Variants in FRMD3 observed in about 807,000 individuals in gnomAD.
The protein encoded by FRMD3 is FERM domain-containing protein 3.
Under a neutral mutation model 70.2 loss-of-function variants are expected in FRMD3, and 33 were observed. The observed-to-expected ratio is 0.47, with a 90% CI of 0.36 to 0.63. The LOEUF is 0.63. FRMD3 is among the 20% of genes least tolerant of loss of function. The pLI is 0.00. For missense variants in FRMD3, 632 were observed against 711.4 expected (o/e 0.89, Z 1.27); for synonymous variants, 279 against 255.9 (o/e 1.09, Z -0.86).
the FRMD3 span, among the ~76,000 whole-genome samples, chr9:83,551,910 C>CA: frequency 0.19 from 27,893 of 143,382 alleles, 2,789 homozygotes; most frequent in East Asian, 0.39. Flanking sequence ...TGATTTTTTT[C>CA]AAAAAAAAAA....
intron 3 of FRMD3, among the ~76,000 whole-genome samples, chr9:83,363,120 T>C (rs1297888118): frequency 3.3e-5 from 5 of 152,162 alleles, no homozygotes; most frequent in Admixed American, 6.6e-5. Context: ...TGGTAAAAGA[T>C]ATGAGTGTAA....
intron 10 of FRMD3, among the ~76,000 whole-genome samples, chr9:83,304,054 T>C (rs1217829251): frequency 2.0e-5 from 3 of 152,254 alleles, no homozygotes; most frequent in Admixed American, 2.0e-4. Flanking sequence ...TCATCCAAGT[T>C]GTAGTATCAG....
upstream of FRMD3, chr9:83,538,534 C>G (rs536319251): frequency 3.9e-6 from 1 of 253,842 alleles, no homozygotes; most frequent in Non-Finnish European, 7.5e-6. This position sits in a 1 kb window ranked among gnomAD's most constrained non-coding sequence, Gnocchi z 4.7. Flanking sequence ...CTGAGACCCC[C>G]GGCGGGCTCG....
chr9:83,495,938 T>C (rs1006298051), intron 1 of FRMD3, among the ~76,000 whole-genome samples: 4 of 152,210 alleles, frequency 2.6e-5, no homozygotes, highest in Non-Finnish European at 5.9e-5. Context: ...AAACTACCAA[T>C]GGCTGAAAAT....
At chr9:83,453,756 C>T (rs1471570930) in intron 1 of FRMD3, among the ~76,000 whole-genome samples, 3 of 136,418 alleles carry the variant, frequency 2.2e-5, no homozygotes, top group Non-Finnish European at 3.0e-5. Flanking sequence ...CACTTTGTCA[C>T]ACAGGCTAGA....
chr9:83,438,647 G>A (rs1293206578), intron 1 of FRMD3, among the ~76,000 whole-genome samples: 4 of 152,108 alleles, frequency 2.6e-5, no homozygotes, highest in East Asian at 1.9e-4. Flanking sequence ...TGATCCACCC[G>A]CCTCTGCCTC....
chr9:83,584,099 G>C, the FRMD3 span, among the ~76,000 whole-genome samples: 1 of 152,122 alleles, frequency 6.6e-6, no homozygotes, highest in South Asian at 2.1e-4. Context: ...ATTTTGGAAG[G>C]CCAAGGCGGG....
chr9:83,437,336 C>A (rs935725790), intron 1 of FRMD3, among the ~76,000 whole-genome samples: 1 of 152,156 alleles, frequency 6.6e-6, no homozygotes, highest in Admixed American at 6.5e-5. Context: ...TTTATCTCAG[C>A]ATTGTTTAGT....
At chr9:83,403,622 C>A (rs1171212149) in intron 1 of FRMD3, among the ~76,000 whole-genome samples, 1 of 152,066 alleles carries the variant, frequency 6.6e-6, no homozygotes, top group Non-Finnish European at 1.5e-5. Flanking sequence ...CACAGCCACA[C>A]CACAGGAAAT....
At chr9:83,451,767 C>T (rs72746808) in intron 1 of FRMD3, among the ~76,000 whole-genome samples, 12 of 152,098 alleles carry the variant, frequency 7.9e-5, no homozygotes, top group African/African-American at 9.7e-5. Flanking sequence ...AGAACTTGGT[C>T]GCTTCTCTGC....
intron 1 of FRMD3, among the ~76,000 whole-genome samples, chr9:83,514,026 A>T (rs548640787): frequency 4.6e-5 from 7 of 152,296 alleles, no homozygotes; most frequent in African/African-American, 1.7e-4. Context: ...TCAAGCACAT[A>T]GCTGGGCAGC....
intron 1 of FRMD3, among the ~76,000 whole-genome samples, chr9:83,450,186 C>T (rs943289977): frequency 6.8e-6 from 1 of 147,640 alleles, no homozygotes; most frequent in African/African-American, 2.6e-5. Context: ...GGAGCACAGG[C>T]ATGTGTGTGT....
At chr9:83,371,383 C>T (rs889923454) in intron 3 of FRMD3, among the ~76,000 whole-genome samples, 3 of 151,422 alleles carry the variant, frequency 2.0e-5, no homozygotes, top group Non-Finnish European at 4.4e-5. Context: ...GTGGCATGAT[C>T]TCTGCTCACT....
chr9:83,299,037 T>G (rs1439045499), intron 11 of FRMD3, 75 bp downstream of exon 11: 1 of 1,161,102 alleles, frequency 8.6e-7, no homozygotes, highest in African/African-American at 1.5e-5. Context: ...GGCCACTTAT[T>G]TGCAAGCAGA....
chr9:83,304,105 T>C (rs1474436367), intron 10 of FRMD3, among the ~76,000 whole-genome samples: 2 of 152,224 alleles, frequency 1.3e-5, no homozygotes, highest in Non-Finnish European at 2.9e-5. Flanking sequence ...TACCATTGTA[T>C]GGATATACCG....
intron 13 of FRMD3, among the ~76,000 whole-genome samples, chr9:83,250,552 T>G (rs1380440806): frequency 6.6e-6 from 1 of 152,194 alleles, no homozygotes; most frequent in Non-Finnish European, 1.5e-5. Flanking sequence ...ACCCACTGGC[T>G]TGGAATCCCA....
intron 13 of FRMD3, among the ~76,000 whole-genome samples, chr9:83,266,477 C>T: frequency 6.6e-6 from 1 of 152,260 alleles, no homozygotes; most frequent in Non-Finnish European, 1.5e-5. Flanking sequence ...CCCTCAAGGA[C>T]CATAAAATAA....
At chr9:83,477,186 C>T (rs1287449787) in intron 1 of FRMD3, among the ~76,000 whole-genome samples, 4 of 152,168 alleles carry the variant, frequency 2.6e-5, no homozygotes, top group South Asian at 2.1e-4. Context: ...ATAGATGTTT[C>T]GTCTGCACAT....
intron 13 of FRMD3, among the ~76,000 whole-genome samples, chr9:83,269,027 C>T (rs1227420258): frequency 1.3e-5 from 2 of 152,216 alleles, no homozygotes; most frequent in East Asian, 3.8e-4. Flanking sequence ...TAGTCACCAA[C>T]AATGGTTCTT....
Sources: gnomAD v4.1 joint callset for allele counts (sites outside exome capture counted in the v4.1 genomes callset) on GRCh38, gnomAD v4.1.1 for gene constraint, Gnocchi (gnomAD v3.1) non-coding constraint, MANE v1.5 for transcripts, NCBI Gene and HGNC (gene_info 2026-07-23, HGNC 2026-07-21) for gene names.